SAMMSON: variants seen among roughly 807,000 people sequenced by gnomAD.
SAMMSON encodes the protein long intergenic non-protein coding RNA 1212.
chr3:70,064,870 A>G (rs906468403), intron 3 of SAMMSON, among the ~76,000 whole-genome samples: 3 of 152,070 alleles, frequency 2.0e-5, no homozygotes, highest in African/African-American at 7.2e-5. Flanking sequence ...TGTATGTCAA[A>G]GTTTTCTCTA....
At chr3:70,381,904 G>C (rs1279920303) in intron 9 of SAMMSON, among the ~76,000 whole-genome samples, 1 of 152,004 alleles carries the variant, frequency 6.6e-6, no homozygotes, top group East Asian at 1.9e-4. Flanking sequence ...CACTATAAAA[G>C]GACTTTTCAA....
intron 3 of SAMMSON, among the ~76,000 whole-genome samples, chr3:70,037,492 T>C (rs1447221916): frequency 6.6e-6 from 1 of 152,126 alleles, no homozygotes; most frequent in Non-Finnish European, 1.5e-5. Flanking sequence ...AGCCCAACAG[T>C]CTGAGGGCTG....
intron 3 of SAMMSON, among the ~76,000 whole-genome samples, chr3:70,021,552 T>G (rs1433932060): frequency 6.6e-6 from 1 of 152,188 alleles, no homozygotes; most frequent in Non-Finnish European, 1.5e-5. Flanking sequence ...CTAGGCCTGA[T>G]TATATTTAGT....
At chr3:70,296,479 T>A (rs960527579) in intron 7 of SAMMSON, among the ~76,000 whole-genome samples, 1 of 152,144 alleles carries the variant, frequency 6.6e-6, no homozygotes, top group Admixed American at 6.5e-5. Context: ...ACCGTGACAT[T>A]GGTTAACATA....
At chr3:70,073,633 C>G (rs2067238077) in intron 4 of SAMMSON, among the ~76,000 whole-genome samples, 1 of 151,698 alleles carries the variant, frequency 6.6e-6, no homozygotes, top group Non-Finnish European at 1.5e-5. Flanking sequence ...TTCCTCTTCC[C>G]TTTCTTTCTC....
At chr3:70,205,824 C>G (rs1250354261) in intron 4 of SAMMSON, 1 of 152,068 alleles carries the variant, frequency 6.6e-6, no homozygotes, top group Non-Finnish European at 1.5e-5. Flanking sequence ...TCCAGGCTTT[C>G]TTTAAATGCT....
chr3:70,328,513 A>G (rs1043522511), intron 7 of SAMMSON, among the ~76,000 whole-genome samples: 1 of 152,196 alleles, frequency 6.6e-6, no homozygotes, highest in African/African-American at 2.4e-5. Context: ...ATGACAATAC[A>G]ATTTCTAAGA....
chr3:70,378,979 TTTTATTTATTTATTTATTTATTTA>T (rs145138282), intron 9 of SAMMSON, among the ~76,000 whole-genome samples: 1 of 141,494 alleles, frequency 7.1e-6, no homozygotes, highest in East Asian at 2.1e-4. Context: ...ATACTTACAC[TTTTATTTATTTATTTATTTATTTA>T]TTTATTTATT....
intron 7 of SAMMSON, among the ~76,000 whole-genome samples, chr3:70,343,362 A>C (rs1446169039): frequency 6.6e-6 from 1 of 152,054 alleles, no homozygotes; most frequent in Non-Finnish European, 1.5e-5. Flanking sequence ...TTTAGTATTA[A>C]TAATTATGCC....
intron 4 of SAMMSON, among the ~76,000 whole-genome samples, chr3:70,098,322 C>T (rs917386578): frequency 3.3e-5 from 5 of 152,150 alleles, no homozygotes; most frequent in African/African-American, 1.2e-4. Flanking sequence ...CCCTCCTATC[C>T]TGTTCCGTTC....
chr3:70,052,868 A>C (rs1374226212), intron 3 of SAMMSON, among the ~76,000 whole-genome samples: 1 of 152,124 alleles, frequency 6.6e-6, no homozygotes, highest in South Asian at 2.1e-4. Flanking sequence ...ATATATATGT[A>C]TTCCAACGTT....
At position 70,197,411 on chromosome 3, in the gene SAMMSON, G is replaced by A. The variant is rs78953900; in HGVS notation, n.508-51696G>A. On this transcript the variant is annotated intron_variant and non_coding_transcript_variant, in intron 4 of 9. Transcript: ENST00000642114. ...CTTCCTGAGCATTTCCTATTGATTCGACATAATCTGGTTATTTAAAGTGCT... is the reference window on the plus strand; with the variant it reads ...CTTCCTGAGCATTTCCTATTGATTCAACATAATCTGGTTATTTAAAGTGCT... 4.6e-5 allele frequency among the ~76,000 whole-genome samples: 7 copies of A among 151,946 alleles called. No individual in the cohort carries two copies. The East Asian group carries it at 1.4e-3, about 29-fold the overall frequency.
At chr3:70,303,361 A>G (rs1459152278) in intron 7 of SAMMSON, among the ~76,000 whole-genome samples, 1 of 152,106 alleles carries the variant, frequency 6.6e-6, no homozygotes. Flanking sequence ...AAAGTTATTG[A>G]GCTTTCTTCC....
At chr3:70,380,437 A>G (rs1173968029) in intron 9 of SAMMSON, among the ~76,000 whole-genome samples, 2 of 152,164 alleles carry the variant, frequency 1.3e-5, no homozygotes, top group Admixed American at 6.6e-5. Context: ...ATTATTTTCT[A>G]GTTTTGTGCA....
chr3:70,282,063 C>A (rs957461309), intron 6 of SAMMSON, among the ~76,000 whole-genome samples: 1 of 152,142 alleles, frequency 6.6e-6, no homozygotes, highest in Non-Finnish European at 1.5e-5. Context: ...TAAAGCCAAT[C>A]ACTGAGACAA....
intron 7 of SAMMSON, among the ~76,000 whole-genome samples, chr3:70,298,767 T>G (rs1702316603): frequency 6.6e-6 from 1 of 152,162 alleles, no homozygotes; most frequent in Non-Finnish European, 1.5e-5. Context: ...GTTAGCCATC[T>G]TCAAGTAGAT....
intron 4 of SAMMSON, among the ~76,000 whole-genome samples, chr3:70,199,123 G>A (rs1015450525): frequency 2.2e-4 from 34 of 152,154 alleles, no homozygotes; most frequent in African/African-American, 7.7e-4. Context: ...ATAAAAATGA[G>A]TCCACTGGAT....
At chr3:70,079,643 G>C (rs2067261026) in intron 4 of SAMMSON, among the ~76,000 whole-genome samples, 1 of 152,160 alleles carries the variant, frequency 6.6e-6, no homozygotes, top group African/African-American at 2.4e-5. Flanking sequence ...TAAGTGTTCT[G>C]AGCACACTTA....
intron 4 of SAMMSON, among the ~76,000 whole-genome samples, chr3:70,138,252 A>C (rs2067514075): frequency 6.6e-6 from 1 of 152,220 alleles, no homozygotes; most frequent in African/African-American, 2.4e-5. Context: ...TTTGTGTGGT[A>C]ACTGGCTTAG....
Sources: gnomAD v4.1 joint callset for allele counts (sites outside exome capture counted in the v4.1 genomes callset) on GRCh38, gnomAD v4.1.1 for gene constraint, MANE v1.5 for transcripts, NCBI Gene and HGNC (gene_info 2026-07-23, HGNC 2026-07-21) for gene names.